Variants in ACACB observed in about 807,000 individuals in gnomAD.
ACACB encodes the protein acetyl-CoA carboxylase 2.
Under a neutral mutation model 278.8 loss-of-function variants are expected in ACACB, and 209 were observed. That is an observed-to-expected ratio of 0.75 (90% confidence interval 0.67 to 0.84). The LOEUF is 0.84. Ranked by LOEUF, ACACB falls within the 40% of genes least tolerant of loss-of-function variation. The probability of loss-of-function intolerance (pLI) is 0.00; values close to 1 mark genes in which losing one functional copy is unlikely to be tolerated. For synonymous variants in ACACB, 1,174 were observed against 1,285.6 expected, an observed-to-expected ratio of 0.91 and a Z score of 1.86; for missense variants, 2,850 against 3,269.0, an observed-to-expected ratio of 0.87 and a Z score of 3.13.
At chr12:109,147,069 C>G (rs527273896) in intron 2 of ACACB, among the ~76,000 whole-genome samples, 1 of 152,282 alleles carries the variant, frequency 6.6e-6, no homozygotes, top group Non-Finnish European at 1.5e-5. Context: ...CTACTGCTAG[C>G]TCTTTGCCCA....
intron 2 of ACACB, among the ~76,000 whole-genome samples, chr12:109,165,965 T>A (rs946014592): frequency 6.6e-6 from 1 of 152,192 alleles, no homozygotes; most frequent in African/African-American, 2.4e-5. Context: ...TTGTTAAACA[T>A]TTAAAAAATT....
chr12:109,195,430 C>G (rs1386901637), intron 16 of ACACB, among the ~76,000 whole-genome samples: 3 of 152,170 alleles, frequency 2.0e-5, no homozygotes, highest in Admixed American at 6.5e-5. Flanking sequence ...CAATCATCCT[C>G]CTTTGCCCCT....
chr12:109,260,726 G>A, intron 48 of ACACB, 69 bp downstream of exon 48: 2 of 1,432,338 alleles, frequency 1.4e-6, no homozygotes, highest in Non-Finnish European at 1.8e-6. Flanking sequence ...CCATGACCTT[G>A]GGAGATCATG....
At position 109,235,385 on chromosome 12, in the gene ACACB, A is replaced by T; in HGVS notation, c.4404+16A>T. 2 of 1,610,378 alleles carry T rather than the reference A, an allele frequency of 1.2e-6. No homozygotes were observed. Among genetic ancestry groups the T allele is most frequent in the Middle Eastern group, 1.7e-4 (1 of 6,046 alleles). Reference sequence around the variant, plus strand: ...TGCCCAAGAGGTTAGTTCACAGTTCATCTCTATGAGTCTTTCCCATTCTCC... The same window carrying T: ...TGCCCAAGAGGTTAGTTCACAGTTCTTCTCTATGAGTCTTTCCCATTCTCC... On this transcript the variant is annotated intron_variant, in intron 32 of 52. Transcript: ENST00000338432.
intron 2 of ACACB, 61 bp from the exon 3 acceptor site, chr12:109,166,800 C>G: frequency 6.2e-7 from 1 of 1,610,152 alleles, no homozygotes; most frequent in Admixed American, 1.7e-5. Context: ...TTACAGGTGC[C>G]GAGCTCTGAG....
intron 9 of ACACB, among the ~76,000 whole-genome samples, chr12:109,177,215 C>T (rs1476049615): frequency 6.6e-6 from 1 of 152,094 alleles, no homozygotes; most frequent in East Asian, 1.9e-4. Flanking sequence ...GATGATTACT[C>T]AATATTTTAT....
intron 24 of ACACB, among the ~76,000 whole-genome samples, chr12:109,221,223 A>G (rs1303603592): frequency 6.6e-6 from 1 of 152,222 alleles, no homozygotes; most frequent in Non-Finnish European, 1.5e-5. Context: ...TGATAAAATC[A>G]GTCTCGGTTC....
intron 50 of ACACB, among the ~76,000 whole-genome samples, 198 bp from the exon 51 acceptor site, chr12:109,264,896 TTTTCAACTATGGCCAG>T (rs963411070): frequency 6.6e-6 from 1 of 152,182 alleles, no homozygotes; most frequent in Non-Finnish European, 1.5e-5. Flanking sequence ...GGGGGACATT[TTTTCAACTATGGCCAG>T]TCTGGAGTCC....
chr12:109,158,910 G>A (rs36177511), intron 2 of ACACB, among the ~76,000 whole-genome samples: 32,964 of 152,264 alleles, frequency 0.22, 4,149 homozygotes, highest in South Asian at 0.28. Context: ...GAGAGGTGGA[G>A]GTAGCAGTGA....
chr12:109,235,165 T>C lies in ACACB; in HGVS notation c.4348-148T>C, dbSNP rs554522034. On this transcript the variant is annotated intron_variant, in intron 31 of 52. Coordinates refer to ENST00000338432, the MANE Select transcript of ACACB (RefSeq NM_001093.4). ...GCCTATTCTGGACGTTTCATATAAA[T>C]GGAATCAGATCACAGGAGGTCTCTT... 820 of 686,880 alleles carry C rather than the reference T, an allele frequency of 1.2e-3. 2 individuals carry two copies. The highest frequency in any genetic ancestry group is 3.9e-3 in the Middle Eastern group (16 of 4,070). The allele number at this position is 686,880 out of a possible 1,614,324, so 42.5% of individuals were successfully genotyped here. A position where few individuals can be genotyped will look rare whatever the true frequency, so the allele number is the denominator to read the frequency against.
intron 12 of ACACB, among the ~76,000 whole-genome samples, chr12:109,187,199 A>G (rs1430114540): frequency 6.6e-6 from 1 of 151,924 alleles, no homozygotes; most frequent in Non-Finnish European, 1.5e-5. Context: ...TACCAACGAA[A>G]TGGCCTCTTC....
rs768710971 is a variant in ACACB at position 109,253,126 on chromosome 12, A to G, written c.6013A>G (p.Thr2005Ala). Residue 2005 changes from threonine (T) to alanine (A), a missense_variant, in exon 43 of 53, where the codon ACC becomes GCC. Around this residue, in one of 3 missense-constraint regions of ACACB, gnomAD observed 579 missense variants for 684.6 expected, o/e 0.85. Transcript: ENST00000338432. ...GCCAGATGACTTTGAGGGGGTTTATACCATCCTGGAGTGGCTGTCCTATAT... is the reference window on the plus strand; with the variant it reads ...GCCAGATGACTTTGAGGGGGTTTATGCCATCCTGGAGTGGCTGTCCTATAT... Reference protein sequence around the residue: ...TVPDDFEGVYTILEWLSYMPK... With the variant: ...TVPDDFEGVYAILEWLSYMPK... 1.9e-6 allele frequency: 3 copies of G among 1,607,452 alleles called. No homozygotes were observed. In the South Asian group the frequency reaches 3.3e-5, roughly 18 times the overall value.
chr12:109,158,981 A>AACAG (rs2043634170), intron 2 of ACACB, among the ~76,000 whole-genome samples: 2 of 151,262 alleles, frequency 1.3e-5, no homozygotes, highest in Admixed American at 6.6e-5. Context: ...TTTCGAAACA[A>AACAG]ACGAAACAAA....
intron 34 of ACACB, among the ~76,000 whole-genome samples, chr12:109,238,405 A>T (rs1376904364): frequency 7.2e-6 from 1 of 139,350 alleles, no homozygotes; most frequent in South Asian, 2.1e-4. Context: ...TATATATATA[A>T]TTATATATAA....
At chr12:109,207,981 G>A (rs772576608) in intron 20 of ACACB, among the ~76,000 whole-genome samples, 16 of 151,992 alleles carry the variant, frequency 1.1e-4, no homozygotes, top group Non-Finnish European at 1.9e-4. Context: ...TGCCCGCTGT[G>A]TCACCTTCTA....
chr12:109,151,063 C>G (rs1186496716), intron 2 of ACACB, among the ~76,000 whole-genome samples: 1 of 150,884 alleles, frequency 6.6e-6, no homozygotes, highest in Non-Finnish European at 1.5e-5. Context: ...ACTGCAACCT[C>G]TACCGCCCGG....
At chr12:109,266,182 G>A (rs2047512641) in intron 52 of ACACB, 54 bp from the exon 53 acceptor site, 4 of 1,584,788 alleles carry the variant, frequency 2.5e-6, no homozygotes, top group Non-Finnish European at 3.4e-6. Flanking sequence ...CACCCTTGGG[G>A]CCACTGAAAA....
chr12:109,168,919 A>G (rs952547710), intron 4 of ACACB, among the ~76,000 whole-genome samples: 17 of 152,118 alleles, frequency 1.1e-4, no homozygotes, highest in African/African-American at 4.1e-4. Flanking sequence ...TGGGCGAATC[A>G]CTTGAGGCCA....
At chr12:109,171,013 A>ATT (rs59371391) in intron 4 of ACACB, among the ~76,000 whole-genome samples, 43,982 of 106,906 alleles carry the variant, frequency 0.41, 10,515 homozygotes, top group Middle Eastern at 0.59. Context: ...CTTTTTTTGG[A>ATT]TTTTTTTTTT....
Sources: gnomAD v4.1 joint callset for allele counts (sites outside exome capture counted in the v4.1 genomes callset) on GRCh38, gnomAD v4.1.1 for gene constraint, gnomAD v4.1.1 regional missense constraint, MANE v1.5 for transcripts, NCBI Gene and HGNC (gene_info 2026-07-23, HGNC 2026-07-21) for gene names.